The following CTNNA2 variants were observed in gnomAD, a reference collection of about 807,000 sequenced individuals.
The protein encoded by CTNNA2 is catenin alpha 2.
CTNNA2 carries 42 observed loss-of-function variants against 101.0 expected under a neutral mutation model. That is an observed-to-expected ratio of 0.42 (90% CI 0.32 to 0.54). The LOEUF (loss-of-function observed/expected upper bound fraction) is 0.54, where lower values mean the gene tolerates loss of function less well. Among genes scored for constraint, CTNNA2 ranks in the 20% least tolerant of loss-of-function variants. The pLI is 0.14. For synonymous variants in CTNNA2, 450 were observed against 456.4 expected, an observed-to-expected ratio of 0.99 and a Z score of 0.18; for missense variants, 871 against 1,223.1, an observed-to-expected ratio of 0.71 and a Z score of 4.29.
intron 7 of CTNNA2, among the ~76,000 whole-genome samples, chr2:80,088,606 A>G (rs1427824033): frequency 6.6e-6 from 1 of 152,088 alleles, no homozygotes; most frequent in Non-Finnish European, 1.5e-5. Context: ...TTCTTCTTTA[A>G]AAAAATATTT....
chr2:80,598,107 C>A (rs752671380), intron 15 of CTNNA2, among the ~76,000 whole-genome samples: 1 of 152,080 alleles, frequency 6.6e-6, no homozygotes, highest in Non-Finnish European at 1.5e-5. Flanking sequence ...ACATATACAC[C>A]ATGGAATAGT....
At chr2:79,425,787 G>A (rs1307164731) in intron 4 of CTNNA2, among the ~76,000 whole-genome samples, 3 of 152,256 alleles carry the variant, frequency 2.0e-5, no homozygotes, top group Middle Eastern at 3.4e-3. Context: ...CTCATCTACA[G>A]AGTATTGTAT....
rs778792644 is a variant in CTNNA2 at position 79,322,477 on chromosome 2, T to C, written c.-318+9681T>C. ...CATCAGTTACTTACGGGAAAGTGGA[T>C]TGGATTTTGCATTGTCAATTTTCCA... is the stretch of plus-strand genomic sequence containing the variant. On this transcript the variant is annotated intron_variant, in intron 3 of 21. Transcript: ENST00000466387. 2.6e-5 allele frequency among the ~76,000 whole-genome samples: 4 copies of C among 152,280 alleles called. 1 individual carries two copies. The highest frequency in any genetic ancestry group is 6.8e-3 in the Middle Eastern group (2 of 294).
At chr2:80,275,714 A>AAGAGAG (rs761577253) in intron 7 of CTNNA2, among the ~76,000 whole-genome samples, 1 of 150,900 alleles carries the variant, frequency 6.6e-6, no homozygotes, top group Non-Finnish European at 1.5e-5. Context: ...GAGAGAGAGA[A>AAGAGAG]AGAGAGAGAG....
chr2:79,675,027 T>C (rs1324095782), intron 2 of CTNNA2, among the ~76,000 whole-genome samples: 1 of 152,222 alleles, frequency 6.6e-6, no homozygotes, highest in African/African-American at 2.4e-5. Flanking sequence ...GTAGTTGTTA[T>C]GTTTAAAAAA....
intron 3 of CTNNA2, 34 bp from the exon 4 acceptor site, chr2:79,857,979 T>A: frequency 6.3e-7 from 1 of 1,595,872 alleles, no homozygotes; most frequent in Non-Finnish European, 8.6e-7. Flanking sequence ...AAGCCTCTTG[T>A]CTACCCACCT....
chr2:79,435,668 C>T lies in CTNNA2; in HGVS notation c.-135+61655C>T, dbSNP rs189086100. 3.9e-5 allele frequency among the ~76,000 whole-genome samples: 6 copies of T among 152,300 alleles called. 2 individuals are homozygous for T. Among genetic ancestry groups the T allele is most frequent in the African/African-American group, 1.4e-4 (6 of 41,558 alleles). ...ATATAAGAAAAATAACATGACACTTCCACATGAGCCTGGCTTTCATTGATG... is the reference window on the plus strand; with the variant it reads ...ATATAAGAAAAATAACATGACACTTTCACATGAGCCTGGCTTTCATTGATG... On this transcript the variant is annotated intron_variant, in intron 4 of 21. Coordinates refer to the CTNNA2 transcript ENST00000466387.
chr2:80,234,495 G>A (rs1204144641), intron 7 of CTNNA2, among the ~76,000 whole-genome samples: 1 of 152,056 alleles, frequency 6.6e-6, no homozygotes. Context: ...CTTTGGGAAG[G>A]GTTCTTTTAC....
At chr2:80,646,827 A>T (rs1674145580) in intron 18 of CTNNA2, among the ~76,000 whole-genome samples, 2 of 152,116 alleles carry the variant, frequency 1.3e-5, no homozygotes, top group Admixed American at 6.6e-5. Flanking sequence ...TAGTATCTTT[A>T]AAGACTAAAA....
intron 7 of CTNNA2, among the ~76,000 whole-genome samples, chr2:80,056,760 C>G (rs1697239317): frequency 6.6e-6 from 1 of 152,182 alleles, no homozygotes; most frequent in Admixed American, 6.6e-5. Flanking sequence ...CTCCTTCCCA[C>G]ATGGAAAGGC....
intron 1 of CTNNA2, among the ~76,000 whole-genome samples, chr2:79,628,387 AG>A (rs1679459963): frequency 6.6e-6 from 1 of 151,814 alleles, no homozygotes; most frequent in African/African-American, 2.4e-5. Context: ...TGGGAGGTGG[AG>A]GTTGCAGTGA....
intron 2 of CTNNA2, among the ~76,000 whole-genome samples, chr2:79,729,974 C>T (rs980130336): frequency 1.3e-5 from 2 of 152,028 alleles, no homozygotes; most frequent in African/African-American, 4.8e-5. Context: ...GGAGTATGTC[C>T]TGCATACTGT....
intron 4 of CTNNA2, among the ~76,000 whole-genome samples, chr2:79,471,844 CAAA>C (rs1025971380): frequency 2.7e-5 from 4 of 145,928 alleles, no homozygotes; most frequent in Non-Finnish European, 6.1e-5. Flanking sequence ...TCTCAAAAAA[CAAA>C]AAAAAAAGAT....
intron 1 of CTNNA2, among the ~76,000 whole-genome samples, chr2:79,562,837 A>C (rs939510570): frequency 6.6e-6 from 1 of 151,912 alleles, no homozygotes; most frequent in African/African-American, 2.4e-5. Context: ...TTGGAGTTAG[A>C]TGTTAAAAAA....
chr2:79,349,557 T>A (rs1044370774), intron 3 of CTNNA2, among the ~76,000 whole-genome samples: 65 of 152,128 alleles, frequency 4.3e-4, no homozygotes, highest in African/African-American at 1.5e-3. Flanking sequence ...CAGCCAAATA[T>A]AAATGGAAAG....
intron 1 of CTNNA2, among the ~76,000 whole-genome samples, chr2:79,583,412 GTCAT>G (rs1414575104): frequency 6.6e-6 from 1 of 151,740 alleles, no homozygotes; most frequent in Non-Finnish European, 1.5e-5. Flanking sequence ...TTCTTTTAGT[GTCAT>G]TATGAATTCC....
At chr2:79,768,335 G>C (rs75098181) in intron 3 of CTNNA2, among the ~76,000 whole-genome samples, 23,348 of 150,578 alleles carry the variant, frequency 0.16, 2,535 homozygotes, top group East Asian at 0.57. Flanking sequence ...AACACTGTAT[G>C]ATTGAAGGAG....
chr2:79,932,687 TTA>T (rs1687529409), intron 7 of CTNNA2, among the ~76,000 whole-genome samples: 1 of 152,208 alleles, frequency 6.6e-6, no homozygotes, highest in African/African-American at 2.4e-5. Context: ...AACTGCTAGT[TTA>T]TGAGTACTCA....
At chr2:80,345,672 T>G (rs1188001360) in intron 7 of CTNNA2, among the ~76,000 whole-genome samples, 2 of 152,076 alleles carry the variant, frequency 1.3e-5, no homozygotes, top group African/African-American at 4.8e-5. Flanking sequence ...AAAAAAAAAT[T>G]GAATGAATGA....
Sources: gnomAD v4.1 joint callset for allele counts (sites outside exome capture counted in the v4.1 genomes callset) on GRCh38, gnomAD v4.1.1 for gene constraint, MANE v1.5 for transcripts, NCBI Gene and HGNC (gene_info 2026-07-23, HGNC 2026-07-21) for gene names.